The following CSMD1 variants were observed in gnomAD, a reference collection of about 807,000 sequenced individuals.
CSMD1 encodes CUB and Sushi multiple domains 1.
Under a neutral mutation model 417.5 loss-of-function variants are expected in CSMD1, and 213 were observed. That is an observed-to-expected ratio of 0.51 (90% CI 0.46 to 0.57). The LOEUF (loss-of-function observed/expected upper bound fraction) is 0.57. Among genes scored for constraint, CSMD1 ranks in the 20% least tolerant of loss-of-function variants. CSMD1 has a pLI of 0.00. For synonymous variants in CSMD1, 2,862 were observed against 1,736.8 expected, an observed-to-expected ratio of 1.65 and a Z score of -16.11; for missense variants, 6,923 against 4,529.7, an observed-to-expected ratio of 1.53 and a Z score of -15.17.
intron 12 of CSMD1, among the ~76,000 whole-genome samples, chr8:3,439,493 CTGTG>C (rs34772541): frequency 6.9e-6 from 1 of 145,412 alleles, no homozygotes; most frequent in Non-Finnish European, 1.5e-5. Context: ...GTGTGTGTAT[CTGTG>C]TGTGTGTGTC....
chr8:4,965,963 A>G (rs1252577171), intron 1 of CSMD1, among the ~76,000 whole-genome samples: 1 of 152,168 alleles, frequency 6.6e-6, no homozygotes, highest in Non-Finnish European at 1.5e-5. Context: ...AGCATAACTC[A>G]AGTTTACACC....
chr8:4,910,025 A>G (rs999768859), intron 1 of CSMD1, among the ~76,000 whole-genome samples: 7 of 152,224 alleles, frequency 4.6e-5, no homozygotes, highest in Non-Finnish European at 8.8e-5. Context: ...GCATATATGA[A>G]TAACCAATAG....
chr8:4,761,433 G>A (rs1163778040), intron 1 of CSMD1, among the ~76,000 whole-genome samples: 3 of 151,804 alleles, frequency 2.0e-5, no homozygotes, highest in South Asian at 2.1e-4. Flanking sequence ...CATAAAATAT[G>A]TTGCTGAAAT....
chr8:4,962,178 T>G (rs540754215), intron 1 of CSMD1, among the ~76,000 whole-genome samples: 2 of 143,236 alleles, frequency 1.4e-5, no homozygotes, highest in African/African-American at 5.2e-5. Flanking sequence ...AATATAAATG[T>G]AAATTTCTGC....
At chr8:4,537,451 C>T (rs1200352227) in intron 2 of CSMD1, among the ~76,000 whole-genome samples, 1 of 152,048 alleles carries the variant, frequency 6.6e-6, no homozygotes, top group Non-Finnish European at 1.5e-5. Flanking sequence ...TATTAAAAGT[C>T]ATATTACTAA....
intron 5 of CSMD1, among the ~76,000 whole-genome samples, chr8:3,768,502 A>G (rs1412048384): frequency 1.3e-5 from 2 of 152,250 alleles, no homozygotes; most frequent in East Asian, 1.9e-4. Flanking sequence ...GCCATAAACA[A>G]GAATATAAAA....
rs536221391 is a variant in CSMD1, at chr8:4,187,816, C to T, written c.416-155717G>A. Among the ~76,000 whole-genome samples the T allele has an allele frequency of 2.6e-5, 4 of 151,852 alleles. No individual in the cohort carries two copies. The South Asian group carries it at 8.4e-4, about 32-fold the overall frequency. Reference sequence around the variant, plus strand: ...AGGTATTATTATTATTTTCCAAAATCACAGTTTCAGATGACTTGCTGAGAC... The same window carrying T: ...AGGTATTATTATTATTTTCCAAAATTACAGTTTCAGATGACTTGCTGAGAC... On this transcript the variant is annotated intron_variant, in intron 3 of 69. Coordinates refer to ENST00000635120, the MANE Select transcript of CSMD1 (RefSeq NM_033225.6).
intron 5 of CSMD1, among the ~76,000 whole-genome samples, chr8:3,989,721 G>C (rs1281168305): frequency 6.6e-6 from 1 of 152,206 alleles, no homozygotes; most frequent in African/African-American, 2.4e-5. Context: ...TTAGATACTT[G>C]TATTTACTAA....
chr8:3,280,030 G>A (rs1802608133), intron 26 of CSMD1, among the ~76,000 whole-genome samples: 1 of 152,180 alleles, frequency 6.6e-6, no homozygotes, highest in Admixed American at 6.6e-5. Flanking sequence ...GCAGCAGCTT[G>A]AGCAAAGCCG....
At chr8:3,421,597 T>C (rs1026743156) in intron 12 of CSMD1, among the ~76,000 whole-genome samples, 2 of 152,118 alleles carry the variant, frequency 1.3e-5, no homozygotes, top group Non-Finnish European at 2.9e-5. Flanking sequence ...AACCCCAAGA[T>C]AAAAAAAATC....
intron 4 of CSMD1, among the ~76,000 whole-genome samples, chr8:4,022,593 C>G (rs147473238): frequency 1.3e-5 from 2 of 152,100 alleles, no homozygotes; most frequent in Non-Finnish European, 2.9e-5. Context: ...AGAGAAGCCT[C>G]CAAGTTACTG....
At chr8:3,082,997 T>C (rs1405851228) in intron 49 of CSMD1, among the ~76,000 whole-genome samples, 1 of 152,224 alleles carries the variant, frequency 6.6e-6, no homozygotes. Flanking sequence ...TGTGTTAATT[T>C]AGCTGGGGTT....
intron 52 of CSMD1, among the ~76,000 whole-genome samples, chr8:3,016,148 T>A (rs1456167892): frequency 6.6e-6 from 1 of 152,216 alleles, no homozygotes; most frequent in Non-Finnish European, 1.5e-5. Context: ...ACAAATGCCA[T>A]GTGCATTTTA....
chr8:4,969,263 T>C (rs940343410), intron 1 of CSMD1, among the ~76,000 whole-genome samples: 2 of 152,014 alleles, frequency 1.3e-5, no homozygotes, highest in Admixed American at 1.3e-4. Context: ...TCTATAAGAA[T>C]TACTTAGGCA....
intron 26 of CSMD1, among the ~76,000 whole-genome samples, chr8:3,243,863 TA>T (rs1432450676): frequency 6.6e-6 from 1 of 152,046 alleles, no homozygotes; most frequent in Non-Finnish European, 1.5e-5. Context: ...CCTTTTTTGC[TA>T]AAACAAAGTT....
intron 3 of CSMD1, among the ~76,000 whole-genome samples, chr8:4,057,363 T>C (rs1486974157): frequency 2.0e-5 from 3 of 151,430 alleles, no homozygotes; most frequent in African/African-American, 4.8e-5. Flanking sequence ...GTCCTTCGCC[T>C]ACTTTTTGAT....
At chr8:4,174,343 T>A (rs1272037143) in intron 3 of CSMD1, among the ~76,000 whole-genome samples, 3 of 152,116 alleles carry the variant, frequency 2.0e-5, no homozygotes, top group Non-Finnish European at 4.4e-5. Flanking sequence ...GTTTTACAGA[T>A]TAAAGTGCAG....
At chr8:4,842,895 A>C (rs1360056722) in intron 1 of CSMD1, among the ~76,000 whole-genome samples, 1 of 152,218 alleles carries the variant, frequency 6.6e-6, no homozygotes, top group Non-Finnish European at 1.5e-5. Context: ...GGAAACGTAG[A>C]ATTGGAATAA....
chr8:4,699,091 T>A (rs1807333903), intron 1 of CSMD1, among the ~76,000 whole-genome samples: 1 of 152,200 alleles, frequency 6.6e-6, no homozygotes, highest in African/African-American at 2.4e-5. Flanking sequence ...CTGCTAGAGT[T>A]TGAGGTCTTC....
Sources: gnomAD v4.1 joint callset for allele counts (sites outside exome capture counted in the v4.1 genomes callset) on GRCh38, gnomAD v4.1.1 for gene constraint, MANE v1.5 for transcripts, NCBI Gene and HGNC (gene_info 2026-07-23, HGNC 2026-07-21) for gene names.